The following THSD7A variants were observed in gnomAD, a reference collection of about 807,000 sequenced individuals.
THSD7A encodes thrombospondin type 1 domain containing 7A.
In THSD7A, 96 loss-of-function variants were observed where a neutral mutation model predicts 231.3. The observed-to-expected ratio is 0.41, with a 90% CI of 0.35 to 0.49. The LOEUF (loss-of-function observed/expected upper bound fraction) is 0.49, where lower values mean the gene tolerates loss of function less well. Among genes scored for constraint, THSD7A ranks in the 20% least tolerant of loss-of-function variants. THSD7A has a pLI of 0.05. For synonymous variants in THSD7A, 940 were observed against 743.3 expected, an observed-to-expected ratio of 1.26 and a Z score of -4.30; for missense variants, 2,290 against 2,070.2, an observed-to-expected ratio of 1.11 and a Z score of -2.06.
At chr7:11,605,742 A>G (rs1397936882) in intron 2 of THSD7A, among the ~76,000 whole-genome samples, 2 of 152,164 alleles carry the variant, frequency 1.3e-5, no homozygotes, top group African/African-American at 4.8e-5. Flanking sequence ...AGGCTGGAGG[A>G]AAAAGCCCTA....
At chr7:11,707,732 C>T (rs549628736) in intron 1 of THSD7A, among the ~76,000 whole-genome samples, 1 of 150,982 alleles carries the variant, frequency 6.6e-6, no homozygotes, top group South Asian at 2.1e-4. Flanking sequence ...GTGTGCAGTA[C>T]ACTCTCGTTT....
intron 1 of THSD7A, among the ~76,000 whole-genome samples, chr7:11,749,584 G>C (rs1475848417): frequency 6.6e-6 from 1 of 151,910 alleles, no homozygotes; most frequent in African/African-American, 2.4e-5. Flanking sequence ...AAGGGTATTT[G>C]TTTATAATTA....
At chr7:11,527,269 C>T (rs567607651) in intron 6 of THSD7A, among the ~76,000 whole-genome samples, 5 of 152,134 alleles carry the variant, frequency 3.3e-5, no homozygotes, top group African/African-American at 1.2e-4. Flanking sequence ...TTTGTGACAA[C>T]ATGTCATTTC....
intron 4 of THSD7A, among the ~76,000 whole-genome samples, chr7:11,589,072 T>G (rs150749935): frequency 2.0e-5 from 3 of 152,244 alleles, no homozygotes; most frequent in Non-Finnish European, 4.4e-5. Context: ...ATCTCTTCTT[T>G]GGTTTTAAAA....
At chr7:11,704,758 T>A (rs2128146126) in intron 1 of THSD7A, among the ~76,000 whole-genome samples, 1 of 151,202 alleles carries the variant, frequency 6.6e-6, no homozygotes, top group Non-Finnish European at 1.5e-5. Context: ...TACAGTCTAT[T>A]TATGGATTGT....
chr7:11,764,647 T>A (rs546445421), intron 1 of THSD7A, among the ~76,000 whole-genome samples: 1 of 151,518 alleles, frequency 6.6e-6, no homozygotes, highest in Non-Finnish European at 1.5e-5. Context: ...CATAATCAGA[T>A]CAATAATTTA....
intron 1 of THSD7A, among the ~76,000 whole-genome samples, chr7:11,662,979 C>A (rs898733981): frequency 6.6e-6 from 1 of 150,918 alleles, no homozygotes; most frequent in African/African-American, 2.4e-5. Context: ...CTACAAACTA[C>A]AATCTAAGTA....
chr7:11,546,202 G>GCGCACGCGCGCACACACACACACACA (rs761841418), intron 4 of THSD7A, among the ~76,000 whole-genome samples: 4 of 129,452 alleles, frequency 3.1e-5, no homozygotes, highest in Admixed American at 8.6e-5. Flanking sequence ...GTGGGCGCGC[G>GCGCACGCGCGCACACACACACACACA]CTCACACACA....
chr7:11,762,178 G>C (rs559034140), intron 1 of THSD7A, among the ~76,000 whole-genome samples: 1 of 151,966 alleles, frequency 6.6e-6, no homozygotes, highest in Non-Finnish European at 1.5e-5. Context: ...CCCTAACTTA[G>C]GATTGTAAAT....
Position 11,373,702 on chromosome 7 carries a change from T to C in THSD7A, c.*2092A>G, listed in dbSNP as rs1309942321. ...AATGACATCCTAACCTGATGTCTTT[T>C]GTAATCTTTGCAAATACTCTAATGA... On this transcript the variant is annotated 3_prime_UTR_variant, in exon 28 of 28. Transcript: ENST00000423059. 6.6e-6 allele frequency: 1 copy of C among 152,074 alleles called. No homozygotes were observed. The highest frequency in any genetic ancestry group is 1.5e-5 in the Non-Finnish European group (1 of 67,984). 9.4% of individuals were successfully genotyped at this position (152,074 alleles called of 1,614,324 possible). A position where few individuals can be genotyped will look rare whatever the true frequency, so the allele number is the denominator to read the frequency against.
At position 11,769,122 on chromosome 7, in the gene THSD7A, A is replaced by ATATATATATATATATATATATATATATAT. The variant is rs1491347103; in HGVS notation, c.190+62634_190+62635insATATATATATATATATATATATATATATA. Among the ~76,000 whole-genome samples, 6 of 35,894 alleles carry ATATATATATATATATATATATATATATAT rather than the reference A, an allele frequency of 1.7e-4. 2 individuals are homozygous for ATATATATATATATATATATATATATATAT. The highest frequency in any genetic ancestry group is 2.1e-3 in the South Asian group (2 of 954). 23.5% of individuals were successfully genotyped at this position (35,894 alleles called of 152,430 possible). ...ACAGGCACCTGCCATAATTCCTGGCAATATATATATATATATATATATATA... is the reference window on the plus strand; with the variant it reads ...ACAGGCACCTGCCATAATTCCTGGCATATATATATATATATATATATATATATATATATATATATATATATATATATATA... On this transcript the variant is annotated intron_variant, in intron 1 of 27. Coordinates refer to ENST00000423059, the MANE Select transcript of THSD7A (RefSeq NM_015204.3).
rs200864043 is a variant in THSD7A at position 11,505,446 on chromosome 7, G to GTT, written c.1823-23466_1823-23465dup. Among the ~76,000 whole-genome samples, 830 of 144,590 alleles carry GTT rather than the reference G, an allele frequency of 5.7e-3. 7 individuals are homozygous for GTT. The highest frequency in any genetic ancestry group is 0.014 in the East Asian group (67 of 4,946). The allele number at this position is 144,590 out of a possible 152,430, so 94.9% of individuals were successfully genotyped here. On this transcript the variant is annotated intron_variant, in intron 6 of 27. Coordinates refer to ENST00000423059, the MANE Select transcript of THSD7A (RefSeq NM_015204.3). Reference sequence around the variant, plus strand: ...CGAAAACTAACACTACCAGTGTAAAGTTTTTTTTTTTTTTAATTTAAAAGA... The same window carrying GTT: ...CGAAAACTAACACTACCAGTGTAAAGTTTTTTTTTTTTTTTTAATTTAAAAGA...
At chr7:11,385,362 G>A (rs1397978849) in intron 23 of THSD7A, 1 of 151,998 alleles carries the variant, frequency 6.6e-6, no homozygotes, top group East Asian at 1.9e-4. Context: ...TTCTGTTATT[G>A]ATTCCAAGAG....
At chr7:11,386,641 T>C (rs2115315594) in intron 23 of THSD7A, among the ~76,000 whole-genome samples, 1 of 152,372 alleles carries the variant, frequency 6.6e-6, no homozygotes, top group Non-Finnish European at 1.5e-5. Context: ...TTGCAAAATT[T>C]TTCTCCCAAT....
intron 23 of THSD7A, among the ~76,000 whole-genome samples, chr7:11,396,597 GA>G (rs1348972338): frequency 3.3e-5 from 5 of 152,120 alleles, no homozygotes; most frequent in African/African-American, 9.7e-5. Context: ...CTGAATCCCT[GA>G]AGAGACCAAT....
chr7:11,582,533 A>C (rs1041777439), intron 4 of THSD7A, among the ~76,000 whole-genome samples: 1 of 151,976 alleles, frequency 6.6e-6, no homozygotes, highest in Non-Finnish European at 1.5e-5. Flanking sequence ...TTCTTTTCTC[A>C]TCTTTAATCA....
intron 1 of THSD7A, among the ~76,000 whole-genome samples, chr7:11,655,463 A>G (rs1317523850): frequency 6.6e-6 from 1 of 151,754 alleles, no homozygotes; most frequent in Non-Finnish European, 1.5e-5. Context: ...ATCTAACCCC[A>G]TTCCTAACAG....
intron 1 of THSD7A, among the ~76,000 whole-genome samples, chr7:11,641,768 A>AAAATG (rs1470539513): frequency 1.7e-5 from 2 of 120,792 alleles, no homozygotes; most frequent in African/African-American, 5.5e-5. Context: ...AAAATAAAAT[A>AAAATG]TAATATAATA....
intron 1 of THSD7A, among the ~76,000 whole-genome samples, chr7:11,658,754 C>T (rs1166318065): frequency 1.3e-5 from 2 of 151,704 alleles, no homozygotes; most frequent in African/African-American, 4.8e-5. Flanking sequence ...GTTTTCATGA[C>T]ATAAGGAATT....
Sources: allele counts gnomAD v4.1 joint callset (sites outside exome capture counted in the v4.1 genomes callset), GRCh38; gene constraint gnomAD v4.1.1; transcripts MANE v1.5; gene names NCBI Gene and HGNC (gene_info 2026-07-23, HGNC 2026-07-21).